The following CIB4 variants were observed in gnomAD, a reference collection of about 807,000 sequenced individuals.
CIB4 encodes calcium and integrin binding family member 4, also known as calcium and integrin-binding family member 4.
In CIB4, 25 loss-of-function variants were observed where a neutral mutation model predicts 25.8. The ratio of observed to expected loss-of-function variants is 0.97; its 90% CI spans 0.71 to 1.35. The LOEUF (loss-of-function observed/expected upper bound fraction) is 1.35. Ranked by LOEUF, CIB4 falls within the 40% of genes most tolerant of loss-of-function variation. The pLI is 0.00. For synonymous variants in CIB4, 75 were observed against 81.4 expected (o/e 0.92, Z 0.42); for missense variants, 235 against 228.2 (o/e 1.03, Z -0.19).
chr2:26,622,310 G>A (rs564456289), intron 3 of CIB4, among the ~76,000 whole-genome samples: 4 of 152,230 alleles, frequency 2.6e-5, no homozygotes, highest in South Asian at 2.1e-4. Flanking sequence ...GCAGTGAGCC[G>A]AGATCGCATC....
chr2:26,628,668 C>A (rs1466928279), intron 3 of CIB4, among the ~76,000 whole-genome samples: 1 of 152,210 alleles, frequency 6.6e-6, no homozygotes, highest in Non-Finnish European at 1.5e-5. Context: ...TTCTTTCCTG[C>A]AGCCACTCCT....
rs886476966 is a variant in CIB4 at position 26,600,232 on chromosome 2, C to T, written c.187-4915G>A. On this transcript the variant is annotated intron_variant, in intron 3 of 6. Coordinates refer to ENST00000288861, the MANE Select transcript of CIB4 (RefSeq NM_001029881.3). ...CCAGACTGGTCAATGTGGCGAAACC[C>T]GTCTCTACTAAAAAATACAAAAATT... Among the ~76,000 whole-genome samples, 6 of 146,578 alleles carry T rather than the reference C, an allele frequency of 4.1e-5. 1 individual carries two copies. Among genetic ancestry groups the T allele is most frequent in the East Asian group, 1.9e-4 (1 of 5,154 alleles).
chr2:26,607,117 C>A (rs552690712), intron 3 of CIB4, among the ~76,000 whole-genome samples: 1 of 152,266 alleles, frequency 6.6e-6, no homozygotes, highest in Admixed American at 6.5e-5. Context: ...CAAAGGACTG[C>A]AGGCCTGAGG....
chr2:26,589,321 C>G lies in CIB4; in HGVS notation c.329-5423G>C, dbSNP rs1010893003. ...CTCTCCTTCTCCTTCTCCTCCTTCT[C>G]CTTCTTCTTCTATTTTTGAGACAGA... is the stretch of plus-strand genomic sequence containing the variant. On this transcript the variant is annotated intron_variant, in intron 4 of 6. Transcript: ENST00000288861. Among the ~76,000 whole-genome samples, 3 of 150,548 alleles carry G rather than the reference C, an allele frequency of 2.0e-5. No homozygotes were observed. The South Asian group carries it at 6.4e-4, about 32-fold the overall frequency.
chr2:26,638,119 G>A (rs1466292919), intron 2 of CIB4, among the ~76,000 whole-genome samples: 3 of 152,212 alleles, frequency 2.0e-5, no homozygotes, highest in Non-Finnish European at 4.4e-5. Context: ...AAGAGAAGGG[G>A]CAGGACAGAA....
At chr2:26,612,060 T>A (rs1404839547) in intron 3 of CIB4, among the ~76,000 whole-genome samples, 2 of 152,224 alleles carry the variant, frequency 1.3e-5, no homozygotes, top group Admixed American at 1.3e-4. Flanking sequence ...AAAAAGAAAG[T>A]GCACTCCAGA....
chr2:26,588,687 G>T (rs1489404625), intron 4 of CIB4, among the ~76,000 whole-genome samples: 1 of 152,234 alleles, frequency 6.6e-6, no homozygotes, highest in African/African-American at 2.4e-5. Flanking sequence ...CCAGCCACCT[G>T]CACCTGCCGT....
chr2:26,601,378 T>C (rs1276123), intron 3 of CIB4, among the ~76,000 whole-genome samples: 107,733 of 151,306 alleles, frequency 0.71, 42,448 homozygotes, highest in East Asian at 0.98. Context: ...CATATATGGC[T>C]ACCTGATTTA....
intron 4 of CIB4, among the ~76,000 whole-genome samples, chr2:26,587,383 T>C (rs1171934416): frequency 7.0e-6 from 1 of 142,444 alleles, no homozygotes; most frequent in Admixed American, 7.2e-5. Flanking sequence ...AATAAATATA[T>C]AGCTTTCAGC....
chr2:26,605,351 C>T (rs1668867556), intron 3 of CIB4: 3 of 272,134 alleles, frequency 1.1e-5, no homozygotes, highest in East Asian at 1.2e-4. Context: ...AGTCAGTCAC[C>T]GGGGGAAAGT....
intron 3 of CIB4, among the ~76,000 whole-genome samples, chr2:26,595,895 G>GCACA (rs755408979): frequency 0.012 from 1,709 of 148,482 alleles, 44 homozygotes; most frequent in African/African-American, 0.041. Flanking sequence ...ACTTATCTGC[G>GCACA]CGCACACACA....
At chr2:26,608,660 T>C (rs1389364989) in intron 3 of CIB4, among the ~76,000 whole-genome samples, 1 of 152,150 alleles carries the variant, frequency 6.6e-6, no homozygotes. Flanking sequence ...GGGGTGGCGA[T>C]GCGATGGGGG....
chr2:26,630,146 C>T (rs542865098), intron 2 of CIB4, among the ~76,000 whole-genome samples: 15 of 152,352 alleles, frequency 9.8e-5, no homozygotes, highest in African/African-American at 3.6e-4. Context: ...GAGGATTTTG[C>T]TTATAAGCTA....
chr2:26,615,230 C>G (rs1042293917), intron 3 of CIB4, among the ~76,000 whole-genome samples: 1 of 152,154 alleles, frequency 6.6e-6, no homozygotes, highest in Non-Finnish European at 1.5e-5. Flanking sequence ...ACAGTCAAAT[C>G]CTGGACAAAT....
At chr2:26,608,689 T>C (rs1668940778) in intron 3 of CIB4, among the ~76,000 whole-genome samples, 1 of 152,096 alleles carries the variant, frequency 6.6e-6, no homozygotes, top group South Asian at 2.1e-4. Context: ...AGAAGTGGTG[T>C]GAAGCGCAGA....
At chr2:26,614,570 G>T (rs1429664626) in intron 3 of CIB4, among the ~76,000 whole-genome samples, 3 of 152,344 alleles carry the variant, frequency 2.0e-5, no homozygotes, top group African/African-American at 7.2e-5. Context: ...GTGCACCACA[G>T]GGCGCCCAGT....
Position 26,640,580 on chromosome 2 carries a change from A to G in CIB4, c.55-13T>C. On this transcript the variant is annotated splice_polypyrimidine_tract_variant and intron_variant, in intron 1 of 6. Transcript: ENST00000288861. ...GGAAGGTCAGGGCCTGCAACAAATC[A>G]CAGAGAAGCGACGTGTCCACTCCAT... 6.2e-7 allele frequency: 1 copy of G among 1,610,308 alleles called. No individual in the cohort carries two copies. Among genetic ancestry groups the G allele is most frequent in the African/African-American group, 1.3e-5 (1 of 74,632 alleles).
chr2:26,622,655 A>C (rs1669227758), intron 3 of CIB4, among the ~76,000 whole-genome samples: 1 of 152,042 alleles, frequency 6.6e-6, no homozygotes, highest in Non-Finnish European at 1.5e-5. Context: ...GGGCAACTTA[A>C]CTCCTGGCAC....
Position 26,629,407 on chromosome 2 carries a change from C to A in CIB4, c.186+3G>T. 1 of 1,566,978 alleles carries A rather than the reference C, an allele frequency of 6.4e-7. No homozygotes were observed. Among genetic ancestry groups the A allele is most frequent in the Non-Finnish European group, 8.7e-7 (1 of 1,153,646 alleles). ...CTTGCCCCACCCACCATCCTGGACT[C>A]ACCCGCAGAGCTGGCAGGGAGCTGA... On this transcript the variant is annotated splice_donor_region_variant and intron_variant, in intron 3 of 6. Transcript: ENST00000288861.
Sources: allele counts gnomAD v4.1 joint callset (sites outside exome capture counted in the v4.1 genomes callset), GRCh38; gene constraint gnomAD v4.1.1; transcripts MANE v1.5; gene names NCBI Gene and HGNC (gene_info 2026-07-23, HGNC 2026-07-21).